Variants in EDA2R observed in about 807,000 individuals in gnomAD.
EDA2R encodes the protein tumor necrosis factor receptor superfamily member 27.
EDA2R carries 26 observed loss-of-function variants against 20.1 expected under a neutral mutation model. The ratio of observed to expected loss-of-function variants is 1.30; its 90% confidence interval spans 0.95 to 1.80. EDA2R has a LOEUF of 1.80. EDA2R is among the 40% of genes most tolerant of loss of function. The probability of loss-of-function intolerance (pLI) is 0.00; values close to 1 mark genes in which losing one functional copy is unlikely to be tolerated. For missense variants in EDA2R, 277 were observed against 228.7 expected (o/e 1.21, Z -1.36); for synonymous variants, 114 against 88.7 (o/e 1.29, Z -1.60).
At chrX:66,618,809 G>T (rs1932139253) in intron 1 of EDA2R, among the ~76,000 whole-genome samples, 1 of 112,195 alleles carries the variant, frequency 8.9e-6, no homozygotes. Flanking sequence ...ATCAAAAAAA[G>T]AGCAAAGCTC....
intron 1 of EDA2R, among the ~76,000 whole-genome samples, chrX:66,637,408 C>T (rs1389655031): frequency 9.0e-6 from 1 of 111,710 alleles, no homozygotes. Flanking sequence ...GATTACTCTT[C>T]CTAAAGCAGA....
intron 1 of EDA2R, among the ~76,000 whole-genome samples, chrX:66,629,562 A>T (rs1341769583): frequency 8.9e-6 from 1 of 111,859 alleles, no homozygotes. Flanking sequence ...AAAGTGGAGA[A>T]TCAAATCAAC....
intron 1 of EDA2R, among the ~76,000 whole-genome samples, chrX:66,628,100 C>T (rs550564111): frequency 1.8e-5 from 2 of 111,189 alleles, no homozygotes; most frequent in Middle Eastern, 4.6e-3. Context: ...GGGTCAAATA[C>T]AAAATCAAGA....
chrX:66,602,415 A>T (rs1928779023), intron 5 of EDA2R, among the ~76,000 whole-genome samples: 1 of 110,935 alleles, frequency 9.0e-6, no homozygotes, highest in African/African-American at 3.3e-5. Context: ...ATAATGAACC[A>T]GGTCTTCTAA....
intron 2 of EDA2R, among the ~76,000 whole-genome samples, chrX:66,608,934 G>C (rs1289405622): frequency 8.9e-6 from 1 of 111,878 alleles, no homozygotes; most frequent in Non-Finnish European, 1.9e-5. Context: ...AGGGGTGACG[G>C]TTGCATAACA....
chrX:66,638,114 T>A (rs972002962), intron 1 of EDA2R, among the ~76,000 whole-genome samples: 8 of 112,520 alleles, frequency 7.1e-5, no homozygotes, highest in Non-Finnish European at 1.3e-4. Flanking sequence ...TCCGTGTTTT[T>A]ATATCCAGGA....
At chrX:66,603,300 T>C (rs780925778) in intron 4 of EDA2R, among the ~76,000 whole-genome samples, 1 of 112,386 alleles carries the variant, frequency 8.9e-6, no homozygotes, top group Non-Finnish European at 1.9e-5. Context: ...GTTATGAATA[T>C]GCACACATAT....
At chrX:66,636,097 C>T (rs1046122724) in intron 1 of EDA2R, among the ~76,000 whole-genome samples, 22 of 110,931 alleles carry the variant, frequency 2.0e-4, no homozygotes, top group Non-Finnish European at 3.2e-4. Context: ...GACAGGGTCT[C>T]TCCATGTTTC....
chrX:66,610,855 A>G (rs748064502), intron 2 of EDA2R, among the ~76,000 whole-genome samples: 6 of 111,538 alleles, frequency 5.4e-5, no homozygotes, highest in African/African-American at 2.0e-4. Flanking sequence ...ACTAGAGACA[A>G]TAGGCTGCAG....
chrX:66,629,670 A>G (rs1261659336), intron 1 of EDA2R, among the ~76,000 whole-genome samples: 1 of 111,721 alleles, frequency 9.0e-6, no homozygotes, highest in Non-Finnish European at 1.9e-5. Context: ...AAACTACACA[A>G]CAGTGCTGAA....
At chrX:66,611,896 T>C (rs1193911061) in intron 2 of EDA2R, among the ~76,000 whole-genome samples, 8 of 110,205 alleles carry the variant, frequency 7.3e-5, no homozygotes, top group African/African-American at 2.6e-4. Flanking sequence ...TAATAAAACT[T>C]CTGAAAACTA....
chrX:66,615,967 G>A lies in EDA2R; in HGVS notation c.54C>T (p.Cys18=), dbSNP rs372965185. The A allele has an allele frequency of 7.4e-6, 9 of 1,208,509 alleles. No homozygotes were observed. The African/African-American group carries it at 1.4e-4, about 19-fold the overall frequency. Residue 18 remains cysteine, a synonymous_variant, in exon 2 of 7, where the codon TGC becomes TGT. Transcript: ENST00000374719. ...GCTCCTGTCCAGGACCACACCGTTG[G>A]CAGGTGACACACCGTCCCCATTGGT... ...YWDQWGRCVT[C]QRCGPGQELS...
At position 66,602,792 on chromosome X, in the gene EDA2R, A is replaced by AG. The variant is rs1411751758; in HGVS notation, c.357dup (p.Phe120LeufsTer60). ...TCTGCCTCCACTAAGCTCAACTGGA[A>AG]GGCACCTGTGAGACAAAAAAATGGG... On this transcript the variant is annotated frameshift_variant, in exon 5 of 7. Transcript: ENST00000374719. LOFTEE classifies it high-confidence loss of function. The AG allele has an allele frequency of 8.5e-7, 1 of 1,182,528 alleles. No individual in the cohort carries two copies. Among genetic ancestry groups the AG allele is most frequent in the African/African-American group, 1.8e-5 (1 of 56,264 alleles).
intron 1 of EDA2R, among the ~76,000 whole-genome samples, chrX:66,621,505 T>A (rs1932615285): frequency 8.9e-6 from 1 of 112,493 alleles, no homozygotes; most frequent in Admixed American, 9.4e-5. Context: ...AATCCACATG[T>A]TCATCAACTG....
intron 1 of EDA2R, among the ~76,000 whole-genome samples, chrX:66,623,591 C>T (rs28521610): frequency 0.069 from 7,698 of 111,258 alleles, 658 homozygotes; most frequent in African/African-American, 0.24. Flanking sequence ...TTAGATGATA[C>T]GCCTACCTCA....
At chrX:66,603,734 A>C (rs1428215850) in intron 4 of EDA2R, among the ~76,000 whole-genome samples, 1 of 112,331 alleles carries the variant, frequency 8.9e-6, no homozygotes, top group East Asian at 2.8e-4. Context: ...TAGGACTCTG[A>C]GAGAATCTAG....
At chrX:66,618,670 T>C (rs370083979) in intron 1 of EDA2R, among the ~76,000 whole-genome samples, 1 of 111,996 alleles carries the variant, frequency 8.9e-6, no homozygotes, top group East Asian at 2.8e-4. Flanking sequence ...CAACAGTGCT[T>C]ACTATTTGTT....
At chrX:66,598,558 A>G (rs1214372810) in intron 6 of EDA2R, among the ~76,000 whole-genome samples, 1 of 112,132 alleles carries the variant, frequency 8.9e-6, no homozygotes, top group African/African-American at 3.2e-5. Flanking sequence ...AGCAAGGACT[A>G]CACAAACTCT....
chrX:66,611,406 A>T (rs1442663383), intron 2 of EDA2R, among the ~76,000 whole-genome samples: 2 of 112,268 alleles, frequency 1.8e-5, no homozygotes, highest in African/African-American at 6.5e-5. Context: ...TGATTGAACA[A>T]GGATTCTAAA....
Sources: gnomAD v4.1 joint callset for allele counts (sites outside exome capture counted in the v4.1 genomes callset) on GRCh38, gnomAD v4.1.1 for gene constraint, MANE v1.5 for transcripts, NCBI Gene and HGNC (gene_info 2026-07-23, HGNC 2026-07-21) for gene names.